The following NOS1AP variants were observed in gnomAD, a reference collection of about 807,000 sequenced individuals.
NOS1AP encodes nitric oxide synthase 1 adaptor protein.
In NOS1AP, 21 loss-of-function variants were observed where a neutral mutation model predicts 56.2. The ratio of observed to expected loss-of-function variants is 0.37; its 90% CI spans 0.26 to 0.54. NOS1AP has a LOEUF of 0.54. Among genes scored for constraint, NOS1AP ranks in the 20% least tolerant of loss-of-function variants. NOS1AP has a pLI of 0.84. For synonymous variants in NOS1AP, 270 were observed against 274.6 expected, an observed-to-expected ratio of 0.98 and a Z score of 0.17; for missense variants, 522 against 657.8, an observed-to-expected ratio of 0.79 and a Z score of 2.26.
At chr1:162,094,625 C>T (rs1692198661) in intron 1 of NOS1AP, among the ~76,000 whole-genome samples, 1 of 152,214 alleles carries the variant, frequency 6.6e-6, no homozygotes, top group Non-Finnish European at 1.5e-5. Flanking sequence ...GAAGTGGACA[C>T]TTGGCAGATT....
At position 162,188,160 on chromosome 1, in the gene NOS1AP, T is replaced by C. The variant is rs1651503240; in HGVS notation, c.177+33684T>C. Among the ~76,000 whole-genome samples the C allele has an allele frequency of 6.6e-6, 1 of 152,172 alleles. No individual in the cohort carries two copies. Among genetic ancestry groups the C allele is most frequent in the South Asian group, 2.1e-4 (1 of 4,824 alleles). ...TCTTGAAAACTGGGACCAATTCTCATGTTTAAGACTTTAACAAAACAGCCT... is the reference window on the plus strand; with the variant it reads ...TCTTGAAAACTGGGACCAATTCTCACGTTTAAGACTTTAACAAAACAGCCT... On this transcript the variant is annotated intron_variant, in intron 2 of 9. Transcript: ENST00000361897. This position sits in a 1 kb window ranked among gnomAD's most constrained non-coding sequence, Gnocchi z 4.0.
At chr1:162,190,265 G>T (rs749451584) in intron 2 of NOS1AP, among the ~76,000 whole-genome samples, 15 of 152,092 alleles carry the variant, frequency 9.9e-5, no homozygotes, top group Non-Finnish European at 2.1e-4. Flanking sequence ...ATCTCTCTAG[G>T]CTAAACATCT....
At chr1:162,213,448 A>G (rs186958374) in intron 2 of NOS1AP, among the ~76,000 whole-genome samples, 4 of 152,146 alleles carry the variant, frequency 2.6e-5, no homozygotes, top group African/African-American at 9.7e-5. Flanking sequence ...TTATGGCTGG[A>G]GTTGCCAAAT....
intron 1 of NOS1AP, among the ~76,000 whole-genome samples, chr1:162,073,596 G>T (rs1221932128): frequency 6.6e-6 from 1 of 152,144 alleles, no homozygotes; most frequent in Non-Finnish European, 1.5e-5. Context: ...GGGTAGCTGG[G>T]ATAACAGGCA....
chr1:162,161,770 G>C (rs1650233242), intron 2 of NOS1AP, among the ~76,000 whole-genome samples: 1 of 152,106 alleles, frequency 6.6e-6, no homozygotes, highest in South Asian at 2.1e-4. Flanking sequence ...TGTAGAGATG[G>C]GGTCTCCCTA....
intron 1 of NOS1AP, among the ~76,000 whole-genome samples, chr1:162,135,496 TG>T (rs1648955521): frequency 6.6e-6 from 1 of 152,150 alleles, no homozygotes; most frequent in South Asian, 2.1e-4. Flanking sequence ...ATAATCTTGA[TG>T]GGGGGACACC....
intron 6 of NOS1AP, among the ~76,000 whole-genome samples, chr1:162,353,338 C>A (rs1657585761): frequency 6.6e-6 from 1 of 152,158 alleles, no homozygotes; most frequent in Non-Finnish European, 1.5e-5. Flanking sequence ...CCGTGGACTT[C>A]CTGCCTCTGT....
At chr1:162,233,289 T>C (rs946726575) in intron 2 of NOS1AP, among the ~76,000 whole-genome samples, 3 of 152,156 alleles carry the variant, frequency 2.0e-5, no homozygotes, top group African/African-American at 7.2e-5. Context: ...AAGTAGCTCC[T>C]CCCCACCCCA....
chr1:162,215,313 G>C (rs1652529675), intron 2 of NOS1AP, among the ~76,000 whole-genome samples: 2 of 152,256 alleles, frequency 1.3e-5, no homozygotes, highest in African/African-American at 4.8e-5. Context: ...CTGCGGTCAT[G>C]CCACTCCCTG....
chr1:162,154,557 C>A, intron 2 of NOS1AP, 81 bp downstream of exon 2: 1 of 1,341,216 alleles, frequency 7.5e-7, no homozygotes, highest in East Asian at 2.3e-5. Flanking sequence ...GCTGGAGGGG[C>A]CAAAATGGAT....
intron 2 of NOS1AP, among the ~76,000 whole-genome samples, chr1:162,186,364 A>G (rs1651430583): frequency 6.6e-6 from 1 of 152,072 alleles, no homozygotes; most frequent in Non-Finnish European, 1.5e-5. Flanking sequence ...TGACTCATAT[A>G]TATTGTATAA....
At chr1:162,136,588 C>T (rs961925646) in intron 1 of NOS1AP, among the ~76,000 whole-genome samples, 3 of 152,216 alleles carry the variant, frequency 2.0e-5, no homozygotes, top group South Asian at 2.1e-4. Flanking sequence ...GGCTTACTCT[C>T]ATTCTCTCAC....
chr1:162,249,092 G>T (rs1245977585), intron 2 of NOS1AP, among the ~76,000 whole-genome samples: 7 of 152,142 alleles, frequency 4.6e-5, no homozygotes, highest in East Asian at 1.9e-4. Flanking sequence ...GCGTGGGGGA[G>T]CAAGCTCTCC....
chr1:162,226,029 C>T (rs1044336635), intron 2 of NOS1AP, among the ~76,000 whole-genome samples: 1 of 152,198 alleles, frequency 6.6e-6, no homozygotes, highest in East Asian at 1.9e-4. Context: ...CGTGGTGGCT[C>T]ATGCCTGTAA....
chr1:162,279,298 G>T (rs1305413996), intron 2 of NOS1AP, among the ~76,000 whole-genome samples: 3 of 152,140 alleles, frequency 2.0e-5, no homozygotes, highest in Non-Finnish European at 2.9e-5. Context: ...GGGCTATCTC[G>T]TCTCCTCTCT....
At chr1:162,161,476 A>G (rs771150541) in intron 2 of NOS1AP, among the ~76,000 whole-genome samples, 2 of 152,226 alleles carry the variant, frequency 1.3e-5, no homozygotes, top group African/African-American at 4.8e-5. Context: ...AATCATCAGG[A>G]AAATTGGGAT....
Position 162,070,087 on chromosome 1 carries a change from C to G in NOS1AP, c.-91C>G. The G allele has an allele frequency of 9.3e-7, 1 of 1,072,484 alleles. No individual in the cohort carries two copies. The highest frequency in any genetic ancestry group is 1.3e-5 in the South Asian group (1 of 76,480). 66.4% of individuals were successfully genotyped at this position (1,072,484 alleles called of 1,614,324 possible). The stretch of plus-strand genomic sequence containing the variant: ...GCTCCCAGGCCCCGCCACGCGTCGC[C>G]GCGCCCAGCTCCAGTCTCCCCTCCC... On this transcript the variant is annotated 5_prime_UTR_variant, in exon 1 of 10. Coordinates refer to ENST00000361897, the MANE Select transcript of NOS1AP (RefSeq NM_014697.3).
At chr1:162,225,523 G>A (rs541420349) in intron 2 of NOS1AP, among the ~76,000 whole-genome samples, 4 of 152,206 alleles carry the variant, frequency 2.6e-5, no homozygotes, top group Non-Finnish European at 5.9e-5. Context: ...GTGAGTGTTT[G>A]TGGGAGTGTT....
Position 162,312,932 on chromosome 1 carries a change from C to A in NOS1AP, c.344+12226C>A, listed in dbSNP as rs561474592. Among the ~76,000 whole-genome samples, 15 of 151,548 alleles carry A rather than the reference C, an allele frequency of 9.9e-5. No homozygotes were observed. In the South Asian group the frequency reaches 2.9e-3, roughly 30 times the overall value. ...AAAGCCTTTGACAAAATTCAACAAC[C>A]CTTCATGCTAAAAACTCTCAACAAA... On this transcript the variant is annotated intron_variant, in intron 4 of 9. Coordinates refer to ENST00000361897, the MANE Select transcript of NOS1AP (RefSeq NM_014697.3).
Sources: gnomAD v4.1 joint callset for allele counts (sites outside exome capture counted in the v4.1 genomes callset) on GRCh38, gnomAD v4.1.1 for gene constraint, Gnocchi (gnomAD v3.1) non-coding constraint, MANE v1.5 for transcripts, NCBI Gene and HGNC (gene_info 2026-07-23, HGNC 2026-07-21) for gene names.